The following COPE variants were observed in gnomAD, a reference collection of about 807,000 sequenced individuals.
The protein encoded by COPE is coatomer subunit epsilon.
In COPE, 19 loss-of-function variants were observed where a neutral mutation model predicts 42.1. The observed-to-expected ratio is 0.45, with a 90% CI of 0.31 to 0.66. The LOEUF (loss-of-function observed/expected upper bound fraction) is 0.66, where lower values mean the gene tolerates loss of function less well. Ranked by LOEUF, COPE falls within the 30% of genes least tolerant of loss-of-function variation. The pLI, the probability that COPE is intolerant of heterozygous loss-of-function variation, is 0.05. For missense variants in COPE, 402 were observed against 416.1 expected (o/e 0.97, Z 0.30); for synonymous variants, 195 against 181.3 (o/e 1.08, Z -0.60).
At chr19:18,916,564 C>T (rs1166368150) in intron 1 of COPE, among the ~76,000 whole-genome samples, 1 of 151,322 alleles carries the variant, frequency 6.6e-6, no homozygotes, top group Non-Finnish European at 1.5e-5. Context: ...CTGAGGCAGG[C>T]GGATCATGAG....
At position 18,907,222 on chromosome 19, in the gene COPE, G is replaced by C; in HGVS notation, c.291-110C>G. 4 of 1,195,034 alleles carry C rather than the reference G, an allele frequency of 3.3e-6. No homozygotes were observed. The South Asian group carries it at 4.5e-5, about 13-fold the overall frequency. The allele number at this position is 1,195,034 out of a possible 1,614,324, so 74.0% of individuals were successfully genotyped here. A position where few individuals can be genotyped will look rare whatever the true frequency, so the allele number is the denominator to read the frequency against. On this transcript the variant is annotated intron_variant, in intron 3 of 9. Coordinates refer to ENST00000262812, the MANE Select transcript of COPE (RefSeq NM_007263.4). ...TCCAGAGAGGGTGAGCCAGGCCCTGGGGGTGCAGAGCAGCAGCAGGCCGAG... is the reference window on the plus strand; with the variant it reads ...TCCAGAGAGGGTGAGCCAGGCCCTGCGGGTGCAGAGCAGCAGCAGGCCGAG...
At chr19:18,914,366 C>A (rs2056836256) in intron 1 of COPE, among the ~76,000 whole-genome samples, 1 of 151,832 alleles carries the variant, frequency 6.6e-6, no homozygotes, top group African/African-American at 2.4e-5. Flanking sequence ...ATGGTGAAAC[C>A]CCGCCTCTAC....
intron 2 of COPE, among the ~76,000 whole-genome samples, chr19:18,912,733 C>T (rs1441054343): frequency 6.4e-5 from 8 of 125,090 alleles, no homozygotes; most frequent in Admixed American, 2.5e-4. Flanking sequence ...AGTGAGACTC[C>T]GTCTCAAAAA....
chr19:18,914,817 G>A (rs1452565420), intron 1 of COPE, among the ~76,000 whole-genome samples: 7 of 147,846 alleles, frequency 4.7e-5, no homozygotes, highest in Non-Finnish European at 7.4e-5. Context: ...GTGCAGTGGC[G>A]TGTATCTCGG....
At chr19:18,901,229 G>A (rs753846056) in intron 7 of COPE, among the ~76,000 whole-genome samples, 1 of 152,264 alleles carries the variant, frequency 6.6e-6, no homozygotes, top group Non-Finnish European at 1.5e-5. Flanking sequence ...TGTTTCAAGA[G>A]ACAAGGACAG....
chr19:18,910,187 C>T (rs1429720667), intron 3 of COPE, among the ~76,000 whole-genome samples: 4 of 152,208 alleles, frequency 2.6e-5, no homozygotes, highest in African/African-American at 9.6e-5. Flanking sequence ...CCAGCCCCCT[C>T]TCCCCTTGGC....
intron 1 of COPE, among the ~76,000 whole-genome samples, chr19:18,916,944 CAAA>C (rs34497308): frequency 2.3e-4 from 16 of 68,668 alleles, no homozygotes; most frequent in East Asian, 4.9e-4. Context: ...GATCCTGTCT[CAAA>C]AAAAAAAAAA....
chr19:18,916,469 CATG>C (rs1225862891), intron 1 of COPE, among the ~76,000 whole-genome samples: 1 of 151,880 alleles, frequency 6.6e-6, no homozygotes, highest in Non-Finnish European at 1.5e-5. Context: ...GCCTGACCAA[CATG>C]ATAAAACCCT....
At chr19:18,913,820 A>G (rs2056831991) in intron 1 of COPE, among the ~76,000 whole-genome samples, 1 of 152,220 alleles carries the variant, frequency 6.6e-6, no homozygotes. Flanking sequence ...GAGGGGACTG[A>G]GAAGGCTGTC....
At chr19:18,902,757 AAGGAAGGAAGGGAAAGAAGGAAGG>A (rs1366818055) in intron 7 of COPE, among the ~76,000 whole-genome samples, 14 of 39,050 alleles carry the variant, frequency 3.6e-4, no homozygotes, top group African/African-American at 1.2e-3. Context: ...GAAAGGAAGG[AAGGAAGGAAGGGAAAGAAGGAAGG>A]AAGGAAGGAA....
intron 1 of COPE, among the ~76,000 whole-genome samples, chr19:18,915,790 T>C (rs1416991689): frequency 1.3e-5 from 2 of 152,210 alleles, no homozygotes; most frequent in East Asian, 3.8e-4. Flanking sequence ...CACTGGGCCG[T>C]CAGCAACTCA....
At chr19:18,904,943 C>A (rs778330772) in intron 5 of COPE, 91 bp from the exon 6 acceptor site, 29 of 1,287,436 alleles carry the variant, frequency 2.3e-5, no homozygotes, top group Non-Finnish European at 3.2e-5. Flanking sequence ...CCCACCGGAG[C>A]CTGGGGATGG....
At chr19:18,919,134 A>C in intron 1 of COPE, 89 bp downstream of exon 1, 3 of 1,438,338 alleles carry the variant, frequency 2.1e-6, no homozygotes, top group Non-Finnish European at 2.9e-6. Flanking sequence ...GAAAAGAGAA[A>C]GTTTTTAGAC....
At position 18,900,365 on chromosome 19, in the gene COPE, C is replaced by A. The variant is rs1318029942; in HGVS notation, c.804+16G>T. 6.5e-7 allele frequency: 1 copy of A among 1,545,796 alleles called. No homozygotes were observed. Among genetic ancestry groups the A allele is most frequent in the East Asian group, 2.5e-5 (1 of 40,814 alleles). ...CTGGACATTAGGGTTGGCCTGGAGC[C>A]CTGGGGGCCGCTTACCTCAGGGGGC... On this transcript the variant is annotated intron_variant, in intron 8 of 9. Coordinates refer to ENST00000262812, the MANE Select transcript of COPE (RefSeq NM_007263.4).
At chr19:18,917,194 C>T (rs1177944312) in intron 1 of COPE, among the ~76,000 whole-genome samples, 3 of 146,056 alleles carry the variant, frequency 2.1e-5, no homozygotes, top group East Asian at 2.0e-4. Context: ...TTTCCAGTGG[C>T]GGGTTCTGGT....
chr19:18,906,348 C>T (rs1476112576), intron 4 of COPE: 1 of 175,512 alleles, frequency 5.7e-6, no homozygotes, highest in African/African-American at 2.4e-5. Context: ...TGTCACCATG[C>T]CTGGCTCGCC....
At chr19:18,916,852 T>A (rs575066115) in intron 1 of COPE, among the ~76,000 whole-genome samples, 2 of 145,612 alleles carry the variant, frequency 1.4e-5, no homozygotes, top group South Asian at 4.3e-4. Context: ...TCCTAGCCAC[T>A]TGGGAGGCTG....
Position 18,905,549 on chromosome 19 carries a change from C to T in COPE, c.497+27G>A, listed in dbSNP as rs748333209. ...TGACGCTCTGGGCTGTGGCTCAGTGCGGGTGGAGAGGGGCAGGAGGGCTCA... is the reference window on the plus strand; with the variant it reads ...TGACGCTCTGGGCTGTGGCTCAGTGTGGGTGGAGAGGGGCAGGAGGGCTCA... On this transcript the variant is annotated intron_variant, in intron 5 of 9. Coordinates refer to ENST00000262812, the MANE Select transcript of COPE (RefSeq NM_007263.4). 1.6e-5 allele frequency: 25 copies of T among 1,578,350 alleles called. No homozygotes were observed. In the East Asian group the frequency reaches 2.7e-4, roughly 17 times the overall value.
chr19:18,905,694 C>G, intron 4 of COPE, 65 bp from the exon 5 acceptor site: 1 of 1,504,870 alleles, frequency 6.6e-7, no homozygotes, highest in Non-Finnish European at 9.0e-7. Flanking sequence ...CCGCTCCACA[C>G]CCAGGGCTCA....
Sources: allele counts gnomAD v4.1 joint callset (sites outside exome capture counted in the v4.1 genomes callset), GRCh38; gene constraint gnomAD v4.1.1; transcripts MANE v1.5; gene names NCBI Gene and HGNC (gene_info 2026-07-23, HGNC 2026-07-21).